DCTN5: variants seen among roughly 807,000 people sequenced by gnomAD.
The protein encoded by DCTN5 is dynactin 4.
In DCTN5, 14 loss-of-function variants were observed where a neutral mutation model predicts 23.5. The observed-to-expected ratio is 0.60, with a 90% CI of 0.39 to 0.93. DCTN5 has a LOEUF of 0.93. DCTN5 is among the 40% of genes least tolerant of loss of function. DCTN5 has a pLI of 0.00. For missense variants in DCTN5, 156 were observed against 225.9 expected, an observed-to-expected ratio of 0.69 and a Z score of 1.98; for synonymous variants, 67 against 79.6, an observed-to-expected ratio of 0.84 and a Z score of 0.84.
At chr16:23,646,447 G>A (rs1264531122) in intron 2 of DCTN5, among the ~76,000 whole-genome samples, 1 of 151,970 alleles carries the variant, frequency 6.6e-6, no homozygotes, top group Non-Finnish European at 1.5e-5. Context: ...TTTTTCTTCT[G>A]TTGCTTGTGT....
chr16:23,658,582 AGTC>A lies in DCTN5; in HGVS notation c.196_198del (p.Arg66del). ...AGTTGGACGTCATTGTGTTGTGAAA[AGTC>A]GTAGTGTCATAAGGCCACCATTCAA... On this transcript the variant is annotated inframe_deletion, in exon 3 of 6. Transcript: ENST00000300087. The A allele has an allele frequency of 6.2e-7, 1 of 1,614,224 alleles. No homozygotes were observed. The highest frequency in any genetic ancestry group is 8.5e-7 in the Non-Finnish European group (1 of 1,180,030).
At chr16:23,655,509 G>A (rs1338114980) in intron 2 of DCTN5, among the ~76,000 whole-genome samples, 2 of 151,866 alleles carry the variant, frequency 1.3e-5, no homozygotes, top group Admixed American at 1.3e-4. Flanking sequence ...TGGTGTAGCT[G>A]GGACTATAGG....
intron 1 of DCTN5, among the ~76,000 whole-genome samples, chr16:23,641,876 C>T (rs991974436): frequency 6.6e-6 from 1 of 152,070 alleles, no homozygotes; most frequent in African/African-American, 2.4e-5. Context: ...GGACTTCGGG[C>T]CCTTTTACAC....
intron 3 of DCTN5, among the ~76,000 whole-genome samples, chr16:23,660,244 A>T (rs1411280689): frequency 1.3e-5 from 2 of 152,246 alleles, no homozygotes; most frequent in African/African-American, 4.8e-5. Flanking sequence ...GACAGGTATC[A>T]TCTCTGAAAA....
chr16:23,665,914 A>G lies in DCTN5; in HGVS notation c.451+186A>G, dbSNP rs144631682. ...TAACAAGCATCTGTTTAAATGCATAATTGGGTTCACCAGAAAATAAGGAAA... is the reference window on the plus strand; with the variant it reads ...TAACAAGCATCTGTTTAAATGCATAGTTGGGTTCACCAGAAAATAAGGAAA... On this transcript the variant is annotated intron_variant, in intron 5 of 5. Transcript: ENST00000300087. 5 of 588,454 alleles carry G rather than the reference A, an allele frequency of 8.5e-6. No individual in the cohort carries two copies. The East Asian group carries it at 1.5e-4, about 17-fold the overall frequency. 36.5% of individuals were successfully genotyped at this position (588,454 alleles called of 1,614,324 possible). A position where few individuals can be genotyped will look rare whatever the true frequency, so the allele number is the denominator to read the frequency against.
rs1967803063 is a variant in DCTN5 at position 23,661,185 on chromosome 16, T to C, written c.252T>C (p.Pro84=). 6.2e-7 allele frequency: 1 copy of C among 1,612,330 alleles called. No individual in the cohort carries two copies. Among genetic ancestry groups the C allele is most frequent in the Non-Finnish European group, 8.5e-7 (1 of 1,178,978 alleles). The part of the protein sequence containing the change: ...KKFSKGVAFF[P]LHIGDHVFIE... Reference sequence around the variant, plus strand: ...CCTCTTCTAGTGTTGCATTCTTTCCTTTACATATTGGAGACCATGTCTTTA... The same window carrying C: ...CCTCTTCTAGTGTTGCATTCTTTCCCTTACATATTGGAGACCATGTCTTTA... Residue 84 remains proline, a synonymous_variant, in exon 4 of 6, where the codon CCT becomes CCC. Transcript: ENST00000300087.
intron 1 of DCTN5, 33 bp from the exon 2 acceptor site, chr16:23,642,919 GTTT>G: frequency 6.3e-7 from 1 of 1,596,098 alleles, no homozygotes; most frequent in Non-Finnish European, 8.6e-7. Context: ...AACCTATTAA[GTTT>G]GCTTTCCCCG....
In DCTN5 at chr16:23,645,124, TATATATATA is replaced by T. The variant is rs1235438694; in HGVS notation, c.117+2102_117+2110del. On this transcript the variant is annotated intron_variant, in intron 2 of 5. Coordinates refer to ENST00000300087, the MANE Select transcript of DCTN5 (RefSeq NM_032486.4). ...ATATATATATATATATATATATATA[TATATATATA>T]TATATTTTTTTTTTTTTTAATACGC... Among the ~76,000 whole-genome samples the T allele has an allele frequency of 2.0e-3, 81 of 39,938 alleles. 1 individual carries two copies. Among genetic ancestry groups the T allele is most frequent in the South Asian group, 5.8e-3 (8 of 1,382 alleles). 26.2% of individuals were successfully genotyped at this position (39,938 alleles called of 152,430 possible). A position where few individuals can be genotyped will look rare whatever the true frequency, so the allele number is the denominator to read the frequency against.
intron 5 of DCTN5, 136 bp from the exon 6 acceptor site, chr16:23,666,911 C>A: frequency 7.1e-7 from 1 of 1,404,020 alleles, no homozygotes; most frequent in Non-Finnish European, 9.6e-7. Flanking sequence ...AAGCACTGGA[C>A]CAGAACAGCC....
Position 23,674,681 on chromosome 16 carries a change from G to T in DCTN5, c.*7537G>T, listed in dbSNP as rs1968062787. ...CTCATTGAATAATCAGGACAAAAGG[G>T]GTAGAAGATTATGTAAACACATTTT... On this transcript the variant is annotated 3_prime_UTR_variant, in exon 6 of 6. Coordinates refer to ENST00000300087, the MANE Select transcript of DCTN5 (RefSeq NM_032486.4). 6.6e-6 allele frequency: 1 copy of T among 152,114 alleles called. No homozygotes were observed. Among genetic ancestry groups the T allele is most frequent in the Non-Finnish European group, 1.5e-5 (1 of 68,020 alleles). 9.4% of individuals were successfully genotyped at this position (152,114 alleles called of 1,614,324 possible).
chr16:23,657,122 T>C lies in DCTN5; in HGVS notation c.118-1385T>C, dbSNP rs78207655. Among the ~76,000 whole-genome samples the C allele has an allele frequency of 8.0e-3, 1,224 of 152,286 alleles. 21 individuals are homozygous for C. The highest frequency in any genetic ancestry group is 6.5e-3 in the Non-Finnish European group (441 of 68,034). On this transcript the variant is annotated intron_variant, in intron 2 of 5. Coordinates refer to ENST00000300087, the MANE Select transcript of DCTN5 (RefSeq NM_032486.4). ...TGCCAGGGTGCTTCCAGAGTAGTAG[T>C]AATAATACGGAAATTTATGTATGTT... is the stretch of plus-strand genomic sequence containing the variant.
intron 1 of DCTN5, among the ~76,000 whole-genome samples, chr16:23,642,298 A>G (rs746710886): frequency 9.2e-5 from 14 of 152,188 alleles, no homozygotes; most frequent in Admixed American, 3.3e-4. Flanking sequence ...CAAGTGGTCA[A>G]TTAACGTTAC....
rs1038621605 is a variant in DCTN5 at position 23,665,924 on chromosome 16, C to A, written c.451+196C>A. 7.0e-6 allele frequency: 4 copies of A among 569,778 alleles called. No homozygotes were observed. The Admixed American group carries it at 1.3e-4, about 19-fold the overall frequency. The allele number at this position is 569,778 out of a possible 1,614,324, so 35.3% of individuals were successfully genotyped here. On this transcript the variant is annotated intron_variant, in intron 5 of 5. Coordinates refer to ENST00000300087, the MANE Select transcript of DCTN5 (RefSeq NM_032486.4). ...CTGTTTAAATGCATAATTGGGTTCA[C>A]CAGAAAATAAGGAAATTATGAAGGG...
chr16:23,666,045 GGAT>G, intron 5 of DCTN5: 1 of 256,858 alleles, frequency 3.9e-6, no homozygotes, highest in Admixed American at 5.1e-5. Context: ...ACTCATGTCG[GGAT>G]GGAAATAAAG....
At chr16:23,661,875 AG>A (rs1339849821) in intron 4 of DCTN5, among the ~76,000 whole-genome samples, 1 of 152,048 alleles carries the variant, frequency 6.6e-6, no homozygotes, top group Admixed American at 6.6e-5. Context: ...CAGATGTGTT[AG>A]GTGTTATCCC....
chr16:23,647,133 T>C (rs1597113586), intron 2 of DCTN5, among the ~76,000 whole-genome samples: 1 of 55,282 alleles, frequency 1.8e-5, no homozygotes, highest in East Asian at 6.9e-4. Context: ...ATAAGTTTTC[T>C]GGTTTTTTTT....
At position 23,661,167 on chromosome 16, in the gene DCTN5, T is replaced by C. The variant is rs572948144; in HGVS notation, c.237-3T>C. The stretch of plus-strand genomic sequence containing the variant: ...CTGTGTTCATCTTCTTTTCCTCTTC[T>C]AGTGTTGCATTCTTTCCTTTACATA... On this transcript the variant is annotated splice_polypyrimidine_tract_variant and splice_region_variant and intron_variant, in intron 3 of 5. Coordinates refer to ENST00000300087, the MANE Select transcript of DCTN5 (RefSeq NM_032486.4). 173 of 1,603,668 alleles carry C rather than the reference T, an allele frequency of 1.1e-4. 2 individuals carry two copies. In the South Asian group the frequency reaches 1.7e-3, roughly 15 times the overall value.
intron 2 of DCTN5, among the ~76,000 whole-genome samples, chr16:23,648,691 T>A (rs1967530241): frequency 6.6e-6 from 1 of 152,070 alleles, no homozygotes; most frequent in Non-Finnish European, 1.5e-5. Context: ...CTGTTCTCCA[T>A]AGTGGCTGTA....
intron 2 of DCTN5, among the ~76,000 whole-genome samples, chr16:23,652,090 G>A (rs528160224): frequency 6.6e-6 from 1 of 152,260 alleles, no homozygotes; most frequent in South Asian, 2.1e-4. Context: ...ATAATCAGCA[G>A]CAGATGTGGA....
Sources: gnomAD v4.1 joint callset for allele counts (sites outside exome capture counted in the v4.1 genomes callset) on GRCh38, gnomAD v4.1.1 for gene constraint, MANE v1.5 for transcripts, NCBI Gene and HGNC (gene_info 2026-07-23, HGNC 2026-07-21) for gene names.